The following USP30 variants were observed in gnomAD, a reference collection of about 807,000 sequenced individuals.
USP30 encodes ubiquitin carboxyl-terminal hydrolase 30.
Under a neutral mutation model 68.2 loss-of-function variants are expected in USP30, and 41 were observed. The ratio of observed to expected loss-of-function variants is 0.60; its 90% CI spans 0.47 to 0.78. The LOEUF is 0.78. Ranked by LOEUF, USP30 falls within the 30% of genes least tolerant of loss-of-function variation. USP30 has a pLI of 0.00. For missense variants in USP30, 522 were observed against 649.4 expected (o/e 0.80, Z 2.13); for synonymous variants, 229 against 253.7 (o/e 0.90, Z 0.93).
At chr12:109,067,729 C>A in intron 4 of USP30, 102 bp downstream of exon 4, 1 of 972,652 alleles carries the variant, frequency 1.0e-6, no homozygotes, top group Non-Finnish European at 1.6e-6. Context: ...ATTTCTGTGA[C>A]ATTTTAGACA....
chr12:109,075,500 GC>G, intron 7 of USP30, among the ~76,000 whole-genome samples: 1 of 152,190 alleles, frequency 6.6e-6, no homozygotes, highest in African/African-American at 2.4e-5. Context: ...ACAGGCACCC[GC>G]CAACACACCC....
rs147265701 is a variant in USP30, at chr12:109,032,961, C to A, written c.-136+5405C>A. Among the ~76,000 whole-genome samples, 1,097 of 152,292 alleles carry A rather than the reference C, an allele frequency of 7.2e-3. 16 individuals carry two copies. The highest frequency in any genetic ancestry group is 0.057 in the South Asian group (274 of 4,826). On this transcript the variant is annotated intron_variant, in intron 3 of 15. Transcript: ENST00000392784. The stretch of plus-strand genomic sequence containing the variant: ...GGAGACTGGAATAGAGACTGACAAG[C>A]TGCCCCTTAGCCTGAAATACTGAAA...
rs541096591 is a variant in USP30 at position 109,046,013 on chromosome 12, A to G, written c.-135-1577A>G. ...GTGCCAGAAAGCTGGAGACCTATGG[A>G]AAAAGCCAGTGTTGCAATTCAGGCA... On this transcript the variant is annotated intron_variant, in intron 3 of 15. Coordinates refer to the USP30 transcript ENST00000392784. 6.6e-5 allele frequency among the ~76,000 whole-genome samples: 10 copies of G among 151,466 alleles called. No homozygotes were observed. The South Asian group carries it at 2.1e-3, about 32-fold the overall frequency.
chr12:109,026,473 T>C lies in USP30; in HGVS notation c.-227-992T>C, dbSNP rs528859331. Among the ~76,000 whole-genome samples, 64 of 152,136 alleles carry C rather than the reference T, an allele frequency of 4.2e-4. 1 individual carries two copies. Among genetic ancestry groups the C allele is most frequent in the African/African-American group, 1.4e-3 (60 of 41,514 alleles). ...TGGTGGCTTACACAACAGAATTTTT[T>C]TTTTTTTTGAGACAGGGTCTCTGTC... On this transcript the variant is annotated intron_variant, in intron 2 of 15. Transcript: ENST00000392784.
intron 12 of USP30, 63 bp from the exon 13 acceptor site, chr12:109,085,604 T>C: frequency 6.3e-7 from 1 of 1,581,676 alleles, no homozygotes; most frequent in Non-Finnish European, 8.6e-7. Flanking sequence ...CATTCTTTTG[T>C]TTTTGCCTAT....
upstream of USP30, among the ~76,000 whole-genome samples, chr12:109,048,990 ATC>A (rs150941821): frequency 0.011 from 1,600 of 152,274 alleles, 25 homozygotes; most frequent in African/African-American, 0.037. Context: ...CTGACCTCTC[ATC>A]TCATTATGGC....
chr12:109,085,072 A>G lies in USP30; in HGVS notation c.1288A>G (p.Ser430Gly), dbSNP rs1192229616. The G allele has an allele frequency of 4.4e-6, 7 of 1,578,580 alleles. No individual in the cohort carries two copies. The East Asian group carries it at 1.1e-4, about 26-fold the overall frequency. Residue 430 changes from serine to glycine, a missense_variant and splice_region_variant, in exon 12 of 13, where the codon AGC becomes GGC. Physicochemically the swap from Ser to Gly is moderately conservative, Grantham distance 56. Transcript: ENST00000257548. ...PFPLPVVPDYSSSTYLFRLMA... is the reference protein window; with the variant it reads ...PFPLPVVPDYGSSTYLFRLMA... ...CCCTCTCCCAGTTGTTCCCGACTAC[A>G]GGTGAGCCACCCTTTACAAGCCCCA...
At chr12:109,079,754 T>C (rs2041740873) in intron 7 of USP30, among the ~76,000 whole-genome samples, 1 of 152,164 alleles carries the variant, frequency 6.6e-6, no homozygotes, top group South Asian at 2.1e-4. Flanking sequence ...GAATTTCCAT[T>C]GCCTTCTTTT....
chr12:109,030,641 G>A (rs1007949036), intron 3 of USP30, among the ~76,000 whole-genome samples: 3 of 152,194 alleles, frequency 2.0e-5, no homozygotes, highest in East Asian at 1.9e-4. Context: ...TTTTTGAGAC[G>A]GAGTCTCACT....
intron 3 of USP30, among the ~76,000 whole-genome samples, chr12:109,028,579 G>A (rs558981495): frequency 1.9e-4 from 29 of 152,262 alleles, no homozygotes; most frequent in African/African-American, 6.7e-4. Flanking sequence ...CCAGGTTCAG[G>A]CAATTATCCT....
At chr12:109,068,282 G>A (rs778519439) in intron 4 of USP30, among the ~76,000 whole-genome samples, 1 of 152,218 alleles carries the variant, frequency 6.6e-6, no homozygotes, top group Non-Finnish European at 1.5e-5. Context: ...ACACTTCCAA[G>A]ATGGCCTTGT....
intron 3 of USP30, among the ~76,000 whole-genome samples, chr12:109,034,735 T>C (rs1373972724): frequency 6.6e-6 from 1 of 152,238 alleles, no homozygotes; most frequent in Non-Finnish European, 1.5e-5. Flanking sequence ...TCTCCAACCA[T>C]TACTGTTAAA....
chr12:109,059,278 T>A (rs2040981269), intron 3 of USP30, among the ~76,000 whole-genome samples: 1 of 152,176 alleles, frequency 6.6e-6, no homozygotes, highest in Non-Finnish European at 1.5e-5. Context: ...CACTGCAACC[T>A]TCACCTCTCA....
intron 7 of USP30, among the ~76,000 whole-genome samples, chr12:109,076,854 C>G (rs894936908): frequency 1.7e-4 from 25 of 151,380 alleles, no homozygotes; most frequent in African/African-American, 5.8e-4. Context: ...GCCTCAGCCT[C>G]CCGAGTAGCT....
At chr12:109,078,816 T>C (rs1409048649) in intron 7 of USP30, among the ~76,000 whole-genome samples, 1 of 152,216 alleles carries the variant, frequency 6.6e-6, no homozygotes, top group Non-Finnish European at 1.5e-5. Flanking sequence ...CTTGCCTTCA[T>C]TTTTGAAGAA....
rs561452149 is a variant in USP30, at chr12:109,041,890, T to G, written c.-135-5700T>G. ...ACAACCAGAAAAAAATAGTTTGAAT[T>G]ACAAAGATTGTGACAATTCAGAATG... On this transcript the variant is annotated intron_variant, in intron 3 of 15. Transcript: ENST00000392784. Among the ~76,000 whole-genome samples the G allele has an allele frequency of 1.8e-3, 271 of 152,196 alleles. 2 individuals are homozygous for G. The highest frequency in any genetic ancestry group is 6.1e-3 in the African/African-American group (255 of 41,538).
rs1449034775 is a variant in USP30, at chr12:109,085,797, C to G, written c.1420C>G (p.Leu474Val). Residue 474 changes from leucine to valine, a missense_variant, in exon 13 of 13, where the codon CTG becomes GTG. Physicochemically the swap from Leu to Val is conservative, Grantham distance 32. Coordinates refer to ENST00000257548, the MANE Select transcript of USP30 (RefSeq NM_032663.5). Reference sequence around the variant, plus strand: ...CCCTCTCTCAACTAGCAATCAGTGGCTGTGGGTCTCCGATGACACTGTCCG... The same window carrying G: ...CCCTCTCTCAACTAGCAATCAGTGGGTGTGGGTCTCCGATGACACTGTCCG... ...RNPLSTSNQW[L>V]WVSDDTVRKA... 10 of 1,614,236 alleles carry G rather than the reference C, an allele frequency of 6.2e-6. No individual in the cohort carries two copies. Among genetic ancestry groups the G allele is most frequent in the Non-Finnish European group, 5.1e-6 (6 of 1,180,046 alleles).
At chr12:109,058,666 A>G (rs751218633) in intron 3 of USP30, among the ~76,000 whole-genome samples, 16 of 152,198 alleles carry the variant, frequency 1.1e-4, no homozygotes, top group Non-Finnish European at 1.6e-4. Flanking sequence ...CCACTGCCAC[A>G]TAAACAGTTT....
intron 3 of USP30, among the ~76,000 whole-genome samples, chr12:109,029,984 A>T (rs574887743): frequency 6.6e-6 from 1 of 152,316 alleles, no homozygotes; most frequent in African/African-American, 2.4e-5. Flanking sequence ...TACATTCTTA[A>T]ACAAGCAAAT....
Sources: gnomAD v4.1 joint callset for allele counts (sites outside exome capture counted in the v4.1 genomes callset) on GRCh38, gnomAD v4.1.1 for gene constraint, MANE v1.5 for transcripts, NCBI Gene and HGNC (gene_info 2026-07-23, HGNC 2026-07-21) for gene names.